Variants in TGFBR3 observed in about 807,000 individuals in gnomAD.
TGFBR3 encodes the protein transforming growth factor beta receptor type 3.
Under a neutral mutation model 87.9 loss-of-function variants are expected in TGFBR3, and 46 were observed. That is an observed-to-expected ratio of 0.52 (90% CI 0.41 to 0.67). The LOEUF is 0.67. Ranked by LOEUF, TGFBR3 falls within the 30% of genes least tolerant of loss-of-function variation. The pLI, the probability that TGFBR3 is intolerant of heterozygous loss-of-function variation, is 0.00. For synonymous variants in TGFBR3, 381 were observed against 391.6 expected, an observed-to-expected ratio of 0.97 and a Z score of 0.32; for missense variants, 866 against 1,041.9, an observed-to-expected ratio of 0.83 and a Z score of 2.32.
At chr1:91,785,086 G>A (rs921007162) in intron 3 of TGFBR3, among the ~76,000 whole-genome samples, 13 of 152,148 alleles carry the variant, frequency 8.5e-5, no homozygotes, top group Admixed American at 6.6e-4. Flanking sequence ...AACAGGCATC[G>A]GACTGATGAA....
At chr1:91,800,245 T>A (rs1412107276) in intron 2 of TGFBR3, among the ~76,000 whole-genome samples, 8 of 78,778 alleles carry the variant, frequency 1.0e-4, no homozygotes. Context: ...AAAAAAAATA[T>A]ATATATATAT....
chr1:91,865,202 C>CAAAAAAAAAAAAA (rs67134125), intron 1 of TGFBR3, among the ~76,000 whole-genome samples: 4 of 105,260 alleles, frequency 3.8e-5, no homozygotes, highest in Admixed American at 1.0e-4. Flanking sequence ...GACTCCATCT[C>CAAAAAAAAAAAAA]AAAAAAAAAA....
intron 2 of TGFBR3, among the ~76,000 whole-genome samples, chr1:91,838,551 C>A (rs377627050): frequency 2.6e-5 from 4 of 151,312 alleles, no homozygotes; most frequent in Admixed American, 1.3e-4. Flanking sequence ...CTCTGCCTCC[C>A]GGGTTCACAC....
chr1:91,803,194 C>T (rs1675704521), intron 2 of TGFBR3, among the ~76,000 whole-genome samples: 1 of 152,228 alleles, frequency 6.6e-6, no homozygotes, highest in Non-Finnish European at 1.5e-5. Flanking sequence ...TCCTCGGACA[C>T]TTGCTCCCGT....
At chr1:91,875,149 A>G (rs1022450124) in intron 1 of TGFBR3, among the ~76,000 whole-genome samples, 5 of 152,260 alleles carry the variant, frequency 3.3e-5, no homozygotes, top group African/African-American at 9.6e-5. Context: ...GTAAGACTCA[A>G]TCCTGCTCTG....
chr1:91,891,921 C>T (rs911450074), intron 2 of TGFBR3, among the ~76,000 whole-genome samples: 9 of 152,094 alleles, frequency 5.9e-5, no homozygotes, highest in African/African-American at 1.9e-4. Flanking sequence ...ATTTGGTTTT[C>T]GCTGATAAAA....
intron 3 of TGFBR3, among the ~76,000 whole-genome samples, chr1:91,777,755 TTC>T (rs938698299): frequency 7.9e-5 from 12 of 152,172 alleles, no homozygotes; most frequent in Non-Finnish European, 1.6e-4. Context: ...TCTCCGTACT[TTC>T]TGTTACAGGT....
In TGFBR3 at chr1:91,695,763, C is replaced by T. The variant is rs142345668; in HGVS notation, c.2346G>A (p.Leu782=). The T allele has an allele frequency of 1.2e-6, 2 of 1,614,010 alleles. No individual in the cohort carries two copies. Among genetic ancestry groups the T allele is most frequent in the African/African-American group, 1.3e-5 (1 of 74,936 alleles). ...CAATGCCCATCACGGTTAGGGTGTC[C>T]AGACCATGGAAAATTGCTATAAAGG... is the stretch of plus-strand genomic sequence containing the variant. ...NPISPPIFHG[L]DTLTVMGIAF... is the part of the protein sequence containing the mutation. Residue 782 remains leucine, a synonymous_variant, in exon 16 of 17, where the codon CTG becomes CTA. Transcript: ENST00000212355.
rs1415558907 is a variant in TGFBR3, at chr1:91,817,420, T to C, written c.62-19949A>G. 2.6e-5 allele frequency among the ~76,000 whole-genome samples: 4 copies of C among 152,074 alleles called. No individual in the cohort carries two copies. The East Asian group carries it at 7.7e-4, about 29-fold the overall frequency. On this transcript the variant is annotated intron_variant, in intron 2 of 16. Coordinates refer to ENST00000212355, the MANE Select transcript of TGFBR3 (RefSeq NM_003243.5). ...TATGATCATATTTCAGAAAGTAACA[T>C]GTAAGGAAAAAGAAAAAATAAAGAA...
chr1:91,727,140 T>C (rs1672578203), intron 7 of TGFBR3, among the ~76,000 whole-genome samples: 1 of 152,070 alleles, frequency 6.6e-6, no homozygotes, highest in African/African-American at 2.4e-5. Flanking sequence ...CACTTAGGAG[T>C]TGGAAGCAAG....
At chr1:91,770,486 A>G (rs1674340101) in intron 3 of TGFBR3, among the ~76,000 whole-genome samples, 1 of 152,208 alleles carries the variant, frequency 6.6e-6, no homozygotes, top group Admixed American at 6.5e-5. Flanking sequence ...GAGTATAGTA[A>G]CTAAAACAGA....
intron 4 of TGFBR3, among the ~76,000 whole-genome samples, chr1:91,738,953 A>T (rs896700588): frequency 6.6e-6 from 1 of 152,204 alleles, no homozygotes; most frequent in Non-Finnish European, 1.5e-5. Context: ...AACAAACCAC[A>T]CAAACATCAG....
At chr1:91,727,562 CAA>C (rs1207328442) in intron 7 of TGFBR3, 95 bp downstream of exon 7, 6 of 1,502,730 alleles carry the variant, frequency 4.0e-6, no homozygotes, top group African/African-American at 1.4e-5. Flanking sequence ...TTAGAGAGTC[CAA>C]AGAGGCAGGA....
At chr1:91,799,443 C>T (rs905742602) in intron 2 of TGFBR3, among the ~76,000 whole-genome samples, 14 of 152,182 alleles carry the variant, frequency 9.2e-5, no homozygotes, top group Non-Finnish European at 1.9e-4. Context: ...CCCTCTGCTG[C>T]CCTCATCCTG....
intron 4 of TGFBR3, 143 bp downstream of exon 4, chr1:91,758,470 C>A: frequency 1.0e-6 from 1 of 999,460 alleles, no homozygotes. Context: ...CCAAATATCA[C>A]TAAGTGCATC....
At chr1:91,743,982 A>T (rs1377491348) in intron 4 of TGFBR3, among the ~76,000 whole-genome samples, 1 of 152,260 alleles carries the variant, frequency 6.6e-6, no homozygotes, top group Admixed American at 6.5e-5. Flanking sequence ...TAGCACAAGA[A>T]AAATCCCTAT....
intron 3 of TGFBR3, among the ~76,000 whole-genome samples, chr1:91,774,376 T>C (rs935213990): frequency 6.6e-6 from 1 of 152,108 alleles, no homozygotes. Context: ...CCTCAAGTGA[T>C]CCACCCACCT....
At position 91,708,645 on chromosome 1, in the gene TGFBR3, G is replaced by A. The variant is rs370322539; in HGVS notation, c.2287+18C>T. The A allele has an allele frequency of 6.8e-6, 11 of 1,613,620 alleles. No individual in the cohort carries two copies. Among genetic ancestry groups the A allele is most frequent in the Admixed American group, 3.3e-5 (2 of 59,986 alleles). On this transcript the variant is annotated intron_variant, in intron 14 of 16. Transcript: ENST00000212355. ...AGAGCTCAGGCCCCATGCTCTGATC[G>A]TGCCTCCCAAAGCACACCTTTAGAT...
chr1:91,766,612 C>G (rs1449884157), intron 3 of TGFBR3, among the ~76,000 whole-genome samples: 1 of 99,368 alleles, frequency 1.0e-5, no homozygotes, highest in African/African-American at 3.8e-5. Flanking sequence ...GAGATTGAAG[C>G]TGTCCTCACT....
Sources: gnomAD v4.1 joint callset for allele counts (sites outside exome capture counted in the v4.1 genomes callset) on GRCh38, gnomAD v4.1.1 for gene constraint, MANE v1.5 for transcripts, NCBI Gene and HGNC (gene_info 2026-07-23, HGNC 2026-07-21) for gene names.